The following CEMIP2 variants were observed in gnomAD, a reference collection of about 807,000 sequenced individuals.
The protein encoded by CEMIP2 is cell migration inducing hyaluronidase 2.
Under a neutral mutation model 146.9 loss-of-function variants are expected in CEMIP2, and 79 were observed. The observed-to-expected ratio is 0.54, with a 90% CI of 0.45 to 0.65. The LOEUF is 0.65. CEMIP2 is among the 30% of genes least tolerant of loss of function. CEMIP2 has a pLI of 0.00. For missense variants in CEMIP2, 1,596 were observed against 1,696.2 expected (o/e 0.94, Z 1.04); for synonymous variants, 601 against 606.3 (o/e 0.99, Z 0.13).
chr9:71,746,495 C>A (rs1175113267), intron 2 of CEMIP2, among the ~76,000 whole-genome samples, 154 bp from the exon 3 acceptor site: 3 of 150,770 alleles, frequency 2.0e-5, no homozygotes, highest in African/African-American at 7.3e-5. Flanking sequence ...GCCTTCCCAC[C>A]AGCAGAGAAC....
rs1318281661 is a variant in CEMIP2 at position 71,684,982 on chromosome 9, C to T, written c.*215G>A. The T allele has an allele frequency of 4.1e-6, 2 of 486,756 alleles. No homozygotes were observed. Among genetic ancestry groups the T allele is most frequent in the East Asian group, 6.4e-5 (2 of 31,474 alleles). 30.2% of individuals were successfully genotyped at this position (486,756 alleles called of 1,614,324 possible). A position where few individuals can be genotyped will look rare whatever the true frequency, so the allele number is the denominator to read the frequency against. On this transcript the variant is annotated 3_prime_UTR_variant, in exon 24 of 24. Coordinates refer to ENST00000377044, the MANE Select transcript of CEMIP2 (RefSeq NM_013390.3). ...AGATCTGCTCTCTGAATACACCAGC[C>T]TTACAAATACAAACAACGTCTTTAA...
At chr9:71,767,087 T>G (rs1824819076) in intron 1 of CEMIP2, among the ~76,000 whole-genome samples, 1 of 152,248 alleles carries the variant, frequency 6.6e-6, no homozygotes, top group South Asian at 2.1e-4. Context: ...AACCACAGTA[T>G]GATACCCAGA....
At chr9:71,702,083 C>G (rs1474709614) in intron 18 of CEMIP2, among the ~76,000 whole-genome samples, 1 of 151,872 alleles carries the variant, frequency 6.6e-6, no homozygotes, top group Non-Finnish European at 1.5e-5. Flanking sequence ...CATGGCAAAA[C>G]CACATCTGTA....
intron 21 of CEMIP2, among the ~76,000 whole-genome samples, chr9:71,691,946 T>C (rs1389879910): frequency 6.6e-6 from 1 of 151,818 alleles, no homozygotes; most frequent in Non-Finnish European, 1.5e-5. Context: ...CCATCTCTAC[T>C]AAAAATAAAA....
chr9:71,741,257 C>T (rs1270502054), intron 4 of CEMIP2, among the ~76,000 whole-genome samples: 3 of 135,658 alleles, frequency 2.2e-5, no homozygotes, highest in Admixed American at 8.4e-5. Flanking sequence ...AGTACAATGG[C>T]GCAATCTCGG....
chr9:71,685,161 T>A lies in CEMIP2; in HGVS notation c.*36A>T. ...CATAAATTAAATAAGTTAGTTCACATTTTTTTTCCCCCAGCACTTAAGTTA... is the reference window on the plus strand; with the variant it reads ...CATAAATTAAATAAGTTAGTTCACAATTTTTTTCCCCCAGCACTTAAGTTA... On this transcript the variant is annotated 3_prime_UTR_variant, in exon 24 of 24. Transcript: ENST00000377044. 1 of 1,493,200 alleles carries A rather than the reference T, an allele frequency of 6.7e-7. No individual in the cohort carries two copies. Among genetic ancestry groups the A allele is most frequent in the Non-Finnish European group, 9.0e-7 (1 of 1,108,442 alleles). The allele number at this position is 1,493,200 out of a possible 1,614,324, so 92.5% of individuals were successfully genotyped here.
In CEMIP2 at chr9:71,745,290, A is replaced by G. The variant is rs1824052478; in HGVS notation, c.762T>C (p.Phe254=). 6.2e-7 allele frequency: 1 copy of G among 1,613,972 alleles called. No homozygotes were observed. The highest frequency in any genetic ancestry group is 1.3e-5 in the African/African-American group (1 of 74,922). ...ARTLNSSGLP[F]GSYTFEKDFS... ...AGTCCTTTTCAAAGGTATAGGACCC[A>G]AAGGGCAAGCCTGAGGAATTCAGGG... is the stretch of plus-strand genomic sequence containing the variant. The change falls in exon 4 of 24, where the codon TTT becomes TTC. Residue 254 remains phenylalanine, a synonymous_variant. Coordinates refer to ENST00000377044, the MANE Select transcript of CEMIP2 (RefSeq NM_013390.3).
intron 8 of CEMIP2, 94 bp from the exon 9 acceptor site, chr9:71,730,347 T>G (rs1382055207): frequency 7.8e-7 from 1 of 1,283,900 alleles, no homozygotes. Flanking sequence ...TCAGTACAAG[T>G]GGAAAAACAG....
Position 71,704,777 on chromosome 9 carries a change from C to G in CEMIP2, c.3012G>C (p.Gln1004His). ...CTCGTGTAATGGTCATAGAAAGATTCTGAGTGCTCCATGTCTGTACATAGA... is the reference window on the plus strand; with the variant it reads ...CTCGTGTAATGGTCATAGAAAGATTGTGAGTGCTCCATGTCTGTACATAGA... ...AQVYVQTWST[Q>H]NLSMTITRDE... Residue 1004 changes from glutamine (Q) to histidine (H), a missense_variant, in exon 18 of 24, where the codon CAG becomes CAC. By Grantham distance (24) the Gln-to-His change is conservative. Transcript: ENST00000377044. The G allele has an allele frequency of 6.2e-7, 1 of 1,614,080 alleles. No individual in the cohort carries two copies. The highest frequency in any genetic ancestry group is 1.1e-5 in the South Asian group (1 of 91,070).
At position 71,714,988 on chromosome 9, in the gene CEMIP2, T is replaced by G; in HGVS notation, c.2537A>C (p.Lys846Thr). ...GTCTATTCCTCCAGTGCCTACATAC[T>G]TGTTCTGACCACCCTGAAAGCCGTA... The part of the protein sequence containing the change: ...RNYGFQGGQN[K>T]YVGTGGIDQK... The change falls in exon 15 of 24, where the codon AAG (lysine) becomes ACG (threonine). Residue 846 changes from lysine (K) to threonine (T), a missense_variant. Lys to Thr is a moderately conservative substitution (Grantham distance 78). Transcript: ENST00000377044. 1 of 1,614,018 alleles carries G rather than the reference T, an allele frequency of 6.2e-7. No homozygotes were observed. The highest frequency in any genetic ancestry group is 8.5e-7 in the Non-Finnish European group (1 of 1,179,950).
intron 13 of CEMIP2, 117 bp from the exon 14 acceptor site, chr9:71,716,669 A>C: frequency 1.3e-6 from 1 of 746,324 alleles, no homozygotes; most frequent in Non-Finnish European, 2.1e-6. Context: ...TACTCTCTAC[A>C]TGACCACACA....
intron 15 of CEMIP2, among the ~76,000 whole-genome samples, chr9:71,713,241 A>T (rs543829114): frequency 6.6e-6 from 1 of 152,090 alleles, no homozygotes; most frequent in Admixed American, 6.5e-5. Flanking sequence ...TGCTGTTCTC[A>T]TGACAGTGAA....
At chr9:71,699,532 G>A in intron 19 of CEMIP2, 1 of 371,666 alleles carries the variant, frequency 2.7e-6, no homozygotes, top group Non-Finnish European at 5.3e-6. Context: ...AAACTTTTAA[G>A]CTGATAACAC....
At chr9:71,698,937 T>G (rs1822476078) in intron 19 of CEMIP2, among the ~76,000 whole-genome samples, 1 of 151,680 alleles carries the variant, frequency 6.6e-6, no homozygotes, top group South Asian at 2.1e-4. Flanking sequence ...AATGAAGAAT[T>G]CACATTTTAA....
chr9:71,693,441 C>G (rs1184294946), intron 21 of CEMIP2, among the ~76,000 whole-genome samples: 1 of 152,180 alleles, frequency 6.6e-6, no homozygotes, highest in East Asian at 1.9e-4. Flanking sequence ...TTAGAAAAGA[C>G]AACTAACACT....
intron 10 of CEMIP2, among the ~76,000 whole-genome samples, chr9:71,729,358 G>A (rs939368353): frequency 1.3e-5 from 2 of 151,338 alleles, no homozygotes; most frequent in Non-Finnish European, 2.9e-5. Flanking sequence ...GGTGGCTCAC[G>A]CCTGTAATCC....
chr9:71,703,520 G>C (rs1480915651), intron 18 of CEMIP2, among the ~76,000 whole-genome samples: 1 of 152,134 alleles, frequency 6.6e-6, no homozygotes, highest in Non-Finnish European at 1.5e-5. Flanking sequence ...CATTTCAACT[G>C]GATGTTTTAA....
chr9:71,698,165 A>C lies in CEMIP2; in HGVS notation c.3417T>G (p.His1139Gln). 1 of 1,614,160 alleles carries C rather than the reference A, an allele frequency of 6.2e-7. No homozygotes were observed. Among genetic ancestry groups the C allele is most frequent in the South Asian group, 1.1e-5 (1 of 91,084 alleles). ...FLYLKAKSHR[H>Q]GHSYCSSQGC... The stretch of plus-strand genomic sequence containing the variant: ...CCTGAGATGAACAGTAACTGTGGCC[A>C]TGCCTGTGGCTTTTGGCTTTGAGAT... Residue 1139 changes from histidine (H) to glutamine (Q), a missense_variant, in exon 20 of 24, where the codon CAT becomes CAG. Physicochemically the swap from His to Gln is conservative, Grantham distance 24 (BLOSUM62 0). Transcript: ENST00000377044.
At chr9:71,751,159 A>T (rs551922160) in intron 1 of CEMIP2, among the ~76,000 whole-genome samples, 1 of 152,360 alleles carries the variant, frequency 6.6e-6, no homozygotes, top group Non-Finnish European at 1.5e-5. Flanking sequence ...CATTACGTAC[A>T]TTCACAAAGT....
Sources: gnomAD v4.1 joint callset for allele counts (sites outside exome capture counted in the v4.1 genomes callset) on GRCh38, gnomAD v4.1.1 for gene constraint, MANE v1.5 for transcripts, NCBI Gene and HGNC (gene_info 2026-07-23, HGNC 2026-07-21) for gene names.